The following MUC17 variants were observed in gnomAD, a reference collection of about 807,000 sequenced individuals.
MUC17 encodes the protein mucin 17, cell surface associated.
Under a neutral mutation model 170.3 loss-of-function variants are expected in MUC17, and 190 were observed. That is an observed-to-expected ratio of 1.12 (90% confidence interval 0.99 to 1.26). The LOEUF is 1.26. Ranked by LOEUF, MUC17 falls within the 50% of genes most tolerant of loss-of-function variation. MUC17 has a pLI of 0.00. For synonymous variants in MUC17, 2,325 were observed against 2,002.5 expected (o/e 1.16, Z -4.30); for missense variants, 6,415 against 5,530.0 (o/e 1.16, Z -5.08).
At chr7:101,020,428 T>G (rs921772591) in intron 1 of MUC17, among the ~76,000 whole-genome samples, 1 of 152,144 alleles carries the variant, frequency 6.6e-6, no homozygotes, top group African/African-American at 2.4e-5. Flanking sequence ...CCTCTTCCAG[T>G]TGAGGTCTCT....
chr7:101,041,887 ACTT>A lies in MUC17; in HGVS notation c.10477_10479del (p.Ser3493del), dbSNP rs760191849. On this transcript the variant is annotated inframe_deletion, in exon 3 of 13. Transcript: ENST00000306151. The stretch of plus-strand genomic sequence containing the variant: ...TGTTGACACCAGCACACCTGTGACC[ACTT>A]CTTCTCCAACCAATTCATCTCCTAC... 18 of 1,614,012 alleles carry A rather than the reference ACTT, an allele frequency of 1.1e-5. 1 individual carries two copies. Among genetic ancestry groups the A allele is most frequent in the East Asian group, 2.2e-5 (1 of 44,864 alleles).
Position 101,031,190 on chromosome 7 carries a change from G to T in MUC17, c.153G>T (p.Gln51His). The T allele has an allele frequency of 6.2e-7, 1 of 1,613,864 alleles. No homozygotes were observed. Among genetic ancestry groups the T allele is most frequent in the East Asian group, 2.2e-5 (1 of 44,882 alleles). Residue 51 changes from glutamine (Q) to histidine (H), a missense_variant, in exon 2 of 13, where the codon CAG becomes CAT. Transcript: ENST00000306151. ...CCCAAGGGGACGTCTTGAACCGTCA[G>T]TGCCAGCAGCTGTCTCAGCACGTTA... is the stretch of plus-strand genomic sequence containing the variant. Reference protein sequence around the residue: ...CISQGDVLNRQCQQLSQHVRT... With the variant: ...CISQGDVLNRHCQQLSQHVRT...
chr7:101,051,993 C>CCCAGA, intron 9 of MUC17, 31 bp downstream of exon 9: 1 of 1,593,134 alleles, frequency 6.3e-7, no homozygotes, highest in South Asian at 1.1e-5. Flanking sequence ...TCCAGCCCAG[C>CCCAGA]CCAGACGTCC....
Position 101,035,717 on chromosome 7 carries a change from C to A in MUC17, c.4301C>A (p.Thr1434Asn). 6.2e-7 allele frequency: 1 copy of A among 1,607,834 alleles called. No individual in the cohort carries two copies. The highest frequency in any genetic ancestry group is 1.1e-5 in the South Asian group (1 of 90,226). The change falls in exon 3 of 13, where the codon ACT (threonine) becomes AAT (asparagine). Residue 1434 changes from threonine (T) to asparagine (N), a missense_variant. By Grantham distance (65) the Thr-to-Asn change is moderately conservative (BLOSUM62 0). Transcript: ENST00000306151. ...STPGTTSAEA[T>N]SSPTTAEGIS... ...CCTGGGACCACTTCTGCTGAAGCCA[C>A]TTCATCTCCTACAACTGCTGAAGGT... is the stretch of plus-strand genomic sequence containing the variant.
At position 101,036,252 on chromosome 7, in the gene MUC17, A is replaced by G; in HGVS notation, c.4836A>G (p.Ser1612=). The change falls in exon 3 of 13, where the codon TCA becomes TCG. Residue 1612 remains serine (S), a synonymous_variant. Coordinates refer to ENST00000306151, the MANE Select transcript of MUC17 (RefSeq NM_001040105.2). ...TQVTASTEAS[S]STTAEGSSMT... ...TGACCGCTTCTACTGAAGCCAGTTCATCTACAACCGCTGAAGGTAGCAGCA... is the reference window on the plus strand; with the variant it reads ...TGACCGCTTCTACTGAAGCCAGTTCGTCTACAACCGCTGAAGGTAGCAGCA... 2 of 1,613,792 alleles carry G rather than the reference A, an allele frequency of 1.2e-6. No individual in the cohort carries two copies. The highest frequency in any genetic ancestry group is 1.7e-6 in the Non-Finnish European group (2 of 1,179,960).
In MUC17 at chr7:101,037,426, A is replaced by C. The variant is rs1584865772; in HGVS notation, c.6010A>C (p.Thr2004Pro). ...GCTGGTGGTCAGTTCTGAGGCTAGCACTCTTTCCACAACTCCTGTTGACAC... is the reference window on the plus strand; with the variant it reads ...GCTGGTGGTCAGTTCTGAGGCTAGCCCTCTTTCCACAACTCCTGTTGACAC... Reference protein sequence around the residue: ...TTLVVSSEASTLSTTPVDTST... With the variant: ...TTLVVSSEASPLSTTPVDTST... The change falls in exon 3 of 13, where the codon ACT (threonine) becomes CCT (proline). Residue 2004 changes from threonine (T) to proline (P), a missense_variant. Transcript: ENST00000306151. 6.2e-7 allele frequency: 1 copy of C among 1,611,172 alleles called. No homozygotes were observed. The highest frequency in any genetic ancestry group is 2.2e-5 in the East Asian group (1 of 44,838).
rs151208864 is a variant in MUC17 at position 101,055,204 on chromosome 7, C to T, written c.13364-990C>T. ...GATAGGACGTAATGCAAATATATCACAAATCATAATACACATAAGTAGATT... is the reference window on the plus strand; with the variant it reads ...GATAGGACGTAATGCAAATATATCATAAATCATAATACACATAAGTAGATT... On this transcript the variant is annotated intron_variant, in intron 11 of 12. Transcript: ENST00000306151. 5.8e-3 allele frequency among the ~76,000 whole-genome samples: 885 copies of T among 151,378 alleles called. 8 individuals are homozygous for T. Among genetic ancestry groups the T allele is most frequent in the South Asian group, 0.029 (141 of 4,798 alleles).
chr7:101,034,715 G>A lies in MUC17; in HGVS notation c.3299G>A (p.Ser1100Asn), dbSNP rs757647777. The change falls in exon 3 of 13, where the codon AGC becomes AAC. Residue 1100 changes from serine (S) to asparagine (N), a missense_variant. Ser to Asn is a conservative substitution (Grantham distance 46). Transcript: ENST00000306151. ...CCAACCTCAACTTATAGTGAAGGAA[G>A]CACTCCACTAACAAGTGTGCCTGTC... ...SMPTSTYSEGSTPLTSVPVST... is the reference protein window; with the variant it reads ...SMPTSTYSEGNTPLTSVPVST... 1.2e-6 allele frequency: 2 copies of A among 1,606,684 alleles called. No individual in the cohort carries two copies. The highest frequency in any genetic ancestry group is 1.3e-5 in the African/African-American group (1 of 74,558).
rs200413820 is a variant in MUC17 at position 101,053,067 on chromosome 7, G to T, written c.13185G>T (p.Val4395=). The T allele has an allele frequency of 1.5e-4, 237 of 1,614,156 alleles. 1 individual carries two copies. The highest frequency in any genetic ancestry group is 2.0e-4 in the Non-Finnish European group (236 of 1,180,036). ...GTQKSLVYGL[V]GAGVVLMLII... ...AGAAGAGTCTGGTGTACGGCCTCGT[G>T]GGGGCAGGGGTCGTGCTGATGCTGA... The change falls in exon 10 of 13, where the codon GTG becomes GTT. Residue 4395 remains valine (V), a synonymous_variant. Transcript: ENST00000306151.
In MUC17 at chr7:101,040,095, T is replaced by G. The variant is rs745367122; in HGVS notation, c.8679T>G (p.Pro2893=). 6.2e-7 allele frequency: 1 copy of G among 1,612,936 alleles called. No individual in the cohort carries two copies. Among genetic ancestry groups the G allele is most frequent in the South Asian group, 1.1e-5 (1 of 91,006 alleles). The stretch of plus-strand genomic sequence containing the variant: ...AGGCTAGCACCCTTTCAACAACTCC[T>G]GTTGATACCAGCATACCTGTCACCA... The part of the protein sequence containing the change: ...SSEASTLSTT[P]VDTSIPVTTS... Residue 2893 remains proline (P), a synonymous_variant, in exon 3 of 13, where the codon CCT becomes CCG. Coordinates refer to ENST00000306151, the MANE Select transcript of MUC17 (RefSeq NM_001040105.2).
rs1331650708 is a variant in MUC17, at chr7:101,036,934, G to T, written c.5518G>T (p.Val1840Phe). ...TTPVDSNSPV[V>F]TSTAVSSSPT... ...TCCTGTTGACTCTAACAGTCCTGTGGTCACTTCTACAGCAGTCAGTTCATC... is the reference window on the plus strand; with the variant it reads ...TCCTGTTGACTCTAACAGTCCTGTGTTCACTTCTACAGCAGTCAGTTCATC... Residue 1840 changes from valine to phenylalanine, a missense_variant, in exon 3 of 13, where the codon GTC becomes TTC. Coordinates refer to ENST00000306151, the MANE Select transcript of MUC17 (RefSeq NM_001040105.2). The T allele has an allele frequency of 1.9e-6, 3 of 1,608,536 alleles. No individual in the cohort carries two copies. Among genetic ancestry groups the T allele is most frequent in the South Asian group, 1.1e-5 (1 of 90,292 alleles).
chr7:101,033,391 C>T lies in MUC17; in HGVS notation c.1975C>T (p.Pro659Ser). 1 of 1,613,716 alleles carries T rather than the reference C, an allele frequency of 6.2e-7. No individual in the cohort carries two copies. Among genetic ancestry groups the T allele is most frequent in the Non-Finnish European group, 8.5e-7 (1 of 1,179,904 alleles). ...AACAACTCCTGTTGACTCCAACACT[C>T]CTGTGACCACTTCAACTGAAGCCAC... is the stretch of plus-strand genomic sequence containing the variant. Reference protein sequence around the residue: ...LSTTPVDSNTPVTTSTEATSS... With the variant: ...LSTTPVDSNTSVTTSTEATSS... Residue 659 changes from proline (P) to serine (S), a missense_variant, in exon 3 of 13, where the codon CCT becomes TCT. Transcript: ENST00000306151.
rs1156229829 is a variant in MUC17, at chr7:101,053,397, C to T, written c.13324C>T (p.Pro4442Ser). 7 of 1,614,022 alleles carry T rather than the reference C, an allele frequency of 4.3e-6. No homozygotes were observed. The highest frequency in any genetic ancestry group is 5.9e-6 in the Non-Finnish European group (7 of 1,180,038). The stretch of plus-strand genomic sequence containing the variant: ...GCAAGAAGAGGACAGTGGACCAGCT[C>T]CTGGGACCTTCCAAAACATTGGCTT... Reference protein sequence around the residue: ...KWQEEDSGPAPGTFQNIGFDI... With the variant: ...KWQEEDSGPASGTFQNIGFDI... The change falls in exon 11 of 13, where the codon CCT (proline) becomes TCT (serine). Residue 4442 changes from proline (P) to serine (S), a missense_variant. Physicochemically the swap from Pro to Ser is moderately conservative, Grantham distance 74. Coordinates refer to ENST00000306151, the MANE Select transcript of MUC17 (RefSeq NM_001040105.2).
In MUC17 at chr7:101,051,837, C is replaced by T; in HGVS notation, c.12978C>T (p.Asp4326=). The part of the protein sequence containing the change: ...DCRKMAKEYG[D]YFVVEYRDQK... ...GGAAGATGGCCAAGGAATATGGAGACTACTTCGTAGTGGAGTACCGGGACC... is the reference window on the plus strand; with the variant it reads ...GGAAGATGGCCAAGGAATATGGAGATTACTTCGTAGTGGAGTACCGGGACC... Residue 4326 remains aspartate (D), a synonymous_variant, in exon 9 of 13, where the codon GAC becomes GAT. Transcript: ENST00000306151. 2 of 1,614,164 alleles carry T rather than the reference C, an allele frequency of 1.2e-6. No individual in the cohort carries two copies. The highest frequency in any genetic ancestry group is 1.7e-6 in the Non-Finnish European group (2 of 1,179,980).
chr7:101,031,697 T>C lies in MUC17; in HGVS notation c.281T>C (p.Ile94Thr), dbSNP rs144349602. The C allele has an allele frequency of 1.2e-5, 20 of 1,610,036 alleles. No individual in the cohort carries two copies. In the African/African-American group the frequency reaches 1.7e-4, roughly 14 times the overall value. ...AGCACCAACCCTGAGATGACCTCGA[T>C]TGAGTCCAGTGTGACTTCAGACACT... ...SCSTNPEMTS[I>T]ESSVTSDTPG... Residue 94 changes from isoleucine (I) to threonine (T), a missense_variant, in exon 3 of 13, where the codon ATT (isoleucine) becomes ACT (threonine). Transcript: ENST00000306151.
rs762229214 is a variant in MUC17, at chr7:101,050,512, G to A, written c.12751G>A (p.Val4251Ile). 6.2e-6 allele frequency: 10 copies of A among 1,613,770 alleles called. No individual in the cohort carries two copies. The highest frequency in any genetic ancestry group is 1.6e-4 in the Middle Eastern group (1 of 6,082). ...TGGCAGTGTGGTGGTGGAGCATGAC[G>A]TCCTCCTAAGAACCAAGTACACACC... Reference protein sequence around the residue: ...RLGSVVVEHDVLLRTKYTPEY... With the variant: ...RLGSVVVEHDILLRTKYTPEY... Residue 4251 changes from valine to isoleucine, a missense_variant, in exon 7 of 13, where the codon GTC becomes ATC. Coordinates refer to ENST00000306151, the MANE Select transcript of MUC17 (RefSeq NM_001040105.2).
Position 101,039,487 on chromosome 7 carries a change from A to G in MUC17, c.8071A>G (p.Ser2691Gly). ...SMPTSTPGERSTPLTNILVST... is the reference protein window; with the variant it reads ...SMPTSTPGERGTPLTNILVST... ...GCCAACCTCAACTCCTGGTGAAAGA[A>G]GCACTCCATTAACAAATATACTTGT... Residue 2691 changes from serine to glycine, a missense_variant, in exon 3 of 13, where the codon AGC becomes GGC. By Grantham distance (56) the Ser-to-Gly change is moderately conservative. Transcript: ENST00000306151. The G allele has an allele frequency of 1.9e-6, 3 of 1,611,248 alleles. No homozygotes were observed. The highest frequency in any genetic ancestry group is 2.5e-6 in the Non-Finnish European group (3 of 1,178,826).
At position 101,043,404 on chromosome 7, in the gene MUC17, G is replaced by A. The variant is rs1443345597; in HGVS notation, c.11988G>A (p.Met3996Ile). 3.1e-6 allele frequency: 5 copies of A among 1,613,958 alleles called. No individual in the cohort carries two copies. Among genetic ancestry groups the A allele is most frequent in the Non-Finnish European group, 4.2e-6 (5 of 1,180,044 alleles). The change falls in exon 3 of 13, where the codon ATG (methionine) becomes ATA (isoleucine). Residue 3996 changes from methionine to isoleucine, a missense_variant. Physicochemically the swap from Met to Ile is conservative, Grantham distance 10. Coordinates refer to ENST00000306151, the MANE Select transcript of MUC17 (RefSeq NM_001040105.2). ...STTKEFTTPA[M>I]TTAAPLTYVT... ...CTAAGGAATTTACAACACCCGCAAT[G>A]ACTACTGCAGCTCCCCTCACATATG...
chr7:101,053,550 T>C, intron 11 of MUC17, 114 bp downstream of exon 11: 1 of 736,356 alleles, frequency 1.4e-6, no homozygotes. Context: ...GGAGTATTAC[T>C]TGAGGCCAGG....
Sources: allele counts gnomAD v4.1 joint callset (sites outside exome capture counted in the v4.1 genomes callset), GRCh38; gene constraint gnomAD v4.1.1; transcripts MANE v1.5; gene names NCBI Gene and HGNC (gene_info 2026-07-23, HGNC 2026-07-21).